AGL: variants seen among roughly 807,000 people sequenced by gnomAD.
AGL encodes the protein glycogen debranching enzyme.
Under a neutral mutation model 199.3 loss-of-function variants are expected in AGL, and 128 were observed. That is an observed-to-expected ratio of 0.64 (90% confidence interval 0.56 to 0.74). AGL has a LOEUF of 0.74. Ranked by LOEUF, AGL falls within the 30% of genes least tolerant of loss-of-function variation. The pLI is 0.00. For synonymous variants in AGL, 584 were observed against 594.7 expected (o/e 0.98, Z 0.26); for missense variants, 1,809 against 1,820.8 (o/e 0.99, Z 0.12).
At chr1:99,914,568 C>T (rs769745616) in intron 30 of AGL, among the ~76,000 whole-genome samples, 2 of 152,126 alleles carry the variant, frequency 1.3e-5, no homozygotes, top group Non-Finnish European at 2.9e-5. Context: ...TAAAAGTACA[C>T]AAAGGTAGCT....
At chr1:99,879,773 CTT>C (rs1251977800) in intron 12 of AGL, 148 bp from the exon 13 acceptor site, 2 of 671,704 alleles carry the variant, frequency 3.0e-6, no homozygotes, top group East Asian at 2.7e-5. Context: ...GATAAATTCT[CTT>C]GTTTCTATGT....
At chr1:99,866,501 T>C (rs979340184) in intron 5 of AGL, among the ~76,000 whole-genome samples, 1 of 152,196 alleles carries the variant, frequency 6.6e-6, no homozygotes, top group African/African-American at 2.4e-5. Flanking sequence ...GGGTATGATA[T>C]GATATATATT....
At chr1:99,879,562 C>A (rs1651834067) in intron 12 of AGL, among the ~76,000 whole-genome samples, 1 of 151,588 alleles carries the variant, frequency 6.6e-6, no homozygotes, top group Non-Finnish European at 1.5e-5. Context: ...CCAGCCTGGG[C>A]AACAAGAGCG....
At chr1:99,901,234 A>C (rs1653812521) in intron 26 of AGL, among the ~76,000 whole-genome samples, 1 of 151,892 alleles carries the variant, frequency 6.6e-6, no homozygotes, top group Admixed American at 6.6e-5. Flanking sequence ...GAGATGGAGA[A>C]AGTTGTTGGG....
Position 99,861,487 on chromosome 1 carries a change from T to C in AGL, c.83-16T>C, listed in dbSNP as rs1650029563. Reference sequence around the variant, plus strand: ...AAGTCCTACGATGAGTTTATTAACATGTGCTTTTTATTTAGGGTATGAGCT... The same window carrying C: ...AAGTCCTACGATGAGTTTATTAACACGTGCTTTTTATTTAGGGTATGAGCT... On this transcript the variant is annotated splice_polypyrimidine_tract_variant and intron_variant, in intron 2 of 33. Coordinates refer to ENST00000361915, the MANE Select transcript of AGL (RefSeq NM_000642.3). 6.2e-7 allele frequency: 1 copy of C among 1,613,690 alleles called. No homozygotes were observed. The highest frequency in any genetic ancestry group is 1.7e-4 in the Middle Eastern group (1 of 6,054).
At chr1:99,901,122 TAA>T (rs1011734404) in intron 26 of AGL, among the ~76,000 whole-genome samples, 55 of 151,594 alleles carry the variant, frequency 3.6e-4, no homozygotes, top group African/African-American at 1.3e-3. Context: ...TGTAGTCTCT[TAA>T]AAGAGAGAGA....
At chr1:99,912,574 C>G in intron 29 of AGL, 57 bp downstream of exon 29, 1 of 1,204,644 alleles carries the variant, frequency 8.3e-7, no homozygotes, top group Non-Finnish European at 1.2e-6. Context: ...ATATTCTCAA[C>G]CTATGTAATC....
At position 99,905,654 on chromosome 1, in the gene AGL, A is replaced by G. The variant is rs189663648; in HGVS notation, c.3700+2860A>G. 1.7e-3 allele frequency among the ~76,000 whole-genome samples: 252 copies of G among 152,250 alleles called. 1 individual carries two copies. The highest frequency in any genetic ancestry group is 5.7e-3 in the African/African-American group (238 of 41,534). On this transcript the variant is annotated intron_variant, in intron 27 of 33. Coordinates refer to ENST00000361915, the MANE Select transcript of AGL (RefSeq NM_000642.3). ...GCAGTGGTGCATCATAGCTCACTCAACTTCTAATTCCTGGGTTTAAGCAGT... is the reference window on the plus strand; with the variant it reads ...GCAGTGGTGCATCATAGCTCACTCAGCTTCTAATTCCTGGGTTTAAGCAGT...
intron 27 of AGL, among the ~76,000 whole-genome samples, chr1:99,905,549 C>T (rs1003596370): frequency 1.3e-5 from 2 of 152,110 alleles, no homozygotes; most frequent in African/African-American, 2.4e-5. Flanking sequence ...GCTGAAATGT[C>T]GGTTCACGTA....
At chr1:99,861,787 G>C (rs529470039) in intron 3 of AGL, 74 bp downstream of exon 3, 1 of 1,526,216 alleles carries the variant, frequency 6.6e-7, no homozygotes, top group South Asian at 1.1e-5. Flanking sequence ...ACTTGTAAAT[G>C]TTACTGTATG....
chr1:99,876,020 G>T (rs1383120090), intron 10 of AGL, among the ~76,000 whole-genome samples: 1 of 152,078 alleles, frequency 6.6e-6, no homozygotes, highest in Admixed American at 6.6e-5. Context: ...GACTACAGAG[G>T]TGCACCACCA....
At position 99,881,582 on chromosome 1, in the gene AGL, A is replaced by T. The variant is rs775946126; in HGVS notation, c.2199A>T (p.Thr733=). 8 of 1,614,070 alleles carry T rather than the reference A, an allele frequency of 5.0e-6. No homozygotes were observed. In the Admixed American group the frequency reaches 5.0e-5, roughly 10 times the overall value. Reference sequence around the variant, plus strand: ...TTGATGAAGACATAGTGGCAGTAACAAGACACTCACCTAGCATCCATCAGT... The same window carrying T: ...TTGATGAAGACATAGTGGCAGTAACTAGACACTCACCTAGCATCCATCAGT... The part of the protein sequence containing the change: ...DQVDEDIVAV[T]RHSPSIHQSV... The change falls in exon 17 of 34, where the codon ACA becomes ACT. Residue 733 remains threonine, a synonymous_variant. Transcript: ENST00000361915.
Position 99,888,156 on chromosome 1 carries a change from C to T in AGL, c.2812+48C>T, listed in dbSNP as rs376447674. ...GAGCTTTGTGTTTTTCTTTTAGGGTCATCTGGTGTCTTCTTTACAGACATA... is the reference window on the plus strand; with the variant it reads ...GAGCTTTGTGTTTTTCTTTTAGGGTTATCTGGTGTCTTCTTTACAGACATA... On this transcript the variant is annotated intron_variant, in intron 21 of 33. Transcript: ENST00000361915. 6 of 1,604,994 alleles carry T rather than the reference C, an allele frequency of 3.7e-6. No individual in the cohort carries two copies. In the African/African-American group the frequency reaches 8.0e-5, roughly 21 times the overall value.
rs1166952820 is a variant in AGL, at chr1:99,862,384, G to A, written c.421G>A (p.Asp141Asn). The A allele has an allele frequency of 6.2e-7, 1 of 1,614,076 alleles. No individual in the cohort carries two copies. Among genetic ancestry groups the A allele is most frequent in the East Asian group, 2.2e-5 (1 of 44,864 alleles). Reference protein sequence around the residue: ...TFLAKCLGPFDEWESRLRVAK... With the variant: ...TFLAKCLGPFNEWESRLRVAK... Reference sequence around the variant, plus strand: ...TTTAGCTAAGTGTTTGGGACCTTTTGATGAATGGGAAAGCAGACTTAGGGT... The same window carrying A: ...TTTAGCTAAGTGTTTGGGACCTTTTAATGAATGGGAAAGCAGACTTAGGGT... Residue 141 changes from aspartate to asparagine, a missense_variant, in exon 4 of 34, where the codon GAT becomes AAT. Coordinates refer to ENST00000361915, the MANE Select transcript of AGL (RefSeq NM_000642.3).
chr1:99,866,639 A>G (rs1650533126), intron 5 of AGL, among the ~76,000 whole-genome samples: 1 of 152,200 alleles, frequency 6.6e-6, no homozygotes, highest in South Asian at 2.1e-4. Flanking sequence ...TACTAAAGAA[A>G]GAAAGGGAGG....
intron 2 of AGL, among the ~76,000 whole-genome samples, chr1:99,857,847 A>AGGGAGAGCGTGGGG (rs1649685231): frequency 1.2e-4 from 1 of 8,226 alleles, no homozygotes. Flanking sequence ...GGGGAGGGGG[A>AGGGAGAGCGTGGGG]GGGGGGAAGA....
chr1:99,870,666 A>G (rs1286105550), intron 6 of AGL, 85 bp downstream of exon 6: 13 of 1,506,222 alleles, frequency 8.6e-6, no homozygotes, highest in Non-Finnish European at 1.1e-5. Flanking sequence ...ATTACTTAGA[A>G]CCTGTATTTT....
At position 99,922,843 on chromosome 1, in the gene AGL, TAATAA is replaced by T. The variant is rs1161701870; in HGVS notation, c.*1198_*1202del. Reference sequence around the variant, plus strand: ...TAATATTCAGTGGCTCATTTATACCTAATAAAATAATGGTATTTTAAAATAATGCT... The same window carrying T: ...TAATATTCAGTGGCTCATTTATACCTAATAATGGTATTTTAAAATAATGCT... On this transcript the variant is annotated 3_prime_UTR_variant, in exon 34 of 34. Coordinates refer to ENST00000361915, the MANE Select transcript of AGL (RefSeq NM_000642.3). 1 of 152,030 alleles carries T rather than the reference TAATAA, an allele frequency of 6.6e-6. No individual in the cohort carries two copies. Among genetic ancestry groups the T allele is most frequent in the Non-Finnish European group, 1.5e-5 (1 of 67,922 alleles). The allele number at this position is 152,030 out of a possible 1,614,324, so 9.4% of individuals were successfully genotyped here.
At chr1:99,906,404 T>C (rs1008859601) in intron 27 of AGL, among the ~76,000 whole-genome samples, 2 of 152,204 alleles carry the variant, frequency 1.3e-5, no homozygotes, top group Non-Finnish European at 2.9e-5. Flanking sequence ...AACGTTAAAT[T>C]TACCTTAGCC....
Sources: gnomAD v4.1 joint callset for allele counts (sites outside exome capture counted in the v4.1 genomes callset) on GRCh38, gnomAD v4.1.1 for gene constraint, MANE v1.5 for transcripts, NCBI Gene and HGNC (gene_info 2026-07-23, HGNC 2026-07-21) for gene names.